The following MGMT variants were observed in gnomAD, a reference collection of about 807,000 sequenced individuals.
MGMT encodes methylated-DNA--protein-cysteine methyltransferase.
Under a neutral mutation model 15.9 loss-of-function variants are expected in MGMT, and 14 were observed. That is an observed-to-expected ratio of 0.88 (90% CI 0.58 to 1.37). The LOEUF (loss-of-function observed/expected upper bound fraction) is 1.37, where lower values mean the gene tolerates loss of function less well. Among genes scored for constraint, MGMT ranks in the 40% most tolerant of loss-of-function variants. The pLI, the probability that MGMT is intolerant of heterozygous loss-of-function variation, is 0.00. For synonymous variants in MGMT, 130 were observed against 118.2 expected, an observed-to-expected ratio of 1.10 and a Z score of -0.65; for missense variants, 282 against 268.1, an observed-to-expected ratio of 1.05 and a Z score of -0.36.
chr10:129,495,696 G>T (rs982915361), intron 1 of MGMT, among the ~76,000 whole-genome samples: 11 of 152,166 alleles, frequency 7.2e-5, no homozygotes, highest in Admixed American at 3.9e-4. Flanking sequence ...ATGCCTTCCT[G>T]TCAAACGTGT....
chr10:129,628,952 C>T (rs145177893), intron 2 of MGMT, among the ~76,000 whole-genome samples: 100 of 152,332 alleles, frequency 6.6e-4, no homozygotes, highest in African/African-American at 2.3e-3. Context: ...ACAGCAAGAG[C>T]TCTCTTCCCG....
At chr10:129,726,514 G>A (rs998497913) in intron 3 of MGMT, among the ~76,000 whole-genome samples, 4 of 152,210 alleles carry the variant, frequency 2.6e-5, no homozygotes, top group African/African-American at 9.7e-5. Context: ...TGTTTTGTCT[G>A]ATTCTTCACC....
intron 2 of MGMT, among the ~76,000 whole-genome samples, chr10:129,702,376 C>T (rs112417104): frequency 0.022 from 3,322 of 152,314 alleles, 56 homozygotes; most frequent in Middle Eastern, 0.082. Context: ...TCCTCTCGTG[C>T]CAAGTCAAAG....
chr10:129,502,302 G>T (rs960644700), intron 1 of MGMT, among the ~76,000 whole-genome samples: 1 of 152,162 alleles, frequency 6.6e-6, no homozygotes, highest in Non-Finnish European at 1.5e-5. Flanking sequence ...CACACCATTT[G>T]ATCTTCCTTA....
Position 129,532,576 on chromosome 10 carries a change from C to G in MGMT, c.-12-3665C>G, listed in dbSNP as rs1316048413. ...TACTTCAGCTTGCTGGGATTCACCCCCAGTGGCCTTCCAAGGCTCCTACCT... is the reference window on the plus strand; with the variant it reads ...TACTTCAGCTTGCTGGGATTCACCCGCAGTGGCCTTCCAAGGCTCCTACCT... On this transcript the variant is annotated intron_variant, in intron 1 of 4. Transcript: ENST00000651593. The surrounding 1 kb of genome is among the most constrained non-coding windows in gnomAD (Gnocchi z 5.3). Among the ~76,000 whole-genome samples, 2 of 152,116 alleles carry G rather than the reference C, an allele frequency of 1.3e-5. No homozygotes were observed. Among genetic ancestry groups the G allele is most frequent in the Non-Finnish European group, 2.9e-5 (2 of 68,026 alleles).
intron 1 of MGMT, among the ~76,000 whole-genome samples, chr10:129,514,848 C>T (rs1417868032): frequency 2.6e-5 from 4 of 152,356 alleles, no homozygotes; most frequent in East Asian, 1.9e-4. Context: ...TTATGAGCCA[C>T]GCAGTCTATA....
Position 129,759,333 on chromosome 10 carries a change from G to T in MGMT, c.406G>T (p.Gly136Cys). 1.2e-6 allele frequency: 2 copies of T among 1,614,204 alleles called. No homozygotes were observed. The highest frequency in any genetic ancestry group is 1.7e-6 in the Non-Finnish European group (2 of 1,180,036). ...GCGAGCAGTGGGAGGAGCAATGAGA[G>T]GCAATCCTGTGAGTTCTCATGGCGC... ...AARAVGGAMR[G>C]NPVPILIPCH... Residue 136 changes from glycine (G) to cysteine (C), a missense_variant, in exon 4 of 5, where the codon GGC (glycine) becomes TGC (cysteine). Coordinates refer to ENST00000651593, the MANE Select transcript of MGMT (RefSeq NM_002412.5).
chr10:129,602,522 A>G (rs781621079), intron 2 of MGMT, among the ~76,000 whole-genome samples: 1 of 152,196 alleles, frequency 6.6e-6, no homozygotes, highest in Non-Finnish European at 1.5e-5. Flanking sequence ...GAACTTACAA[A>G]TCTGTGTCAC....
chr10:129,678,747 G>GTCCA (rs901585687), intron 2 of MGMT, among the ~76,000 whole-genome samples: 1 of 152,054 alleles, frequency 6.6e-6, no homozygotes, highest in African/African-American at 2.4e-5. Flanking sequence ...TGTAGACTTG[G>GTCCA]TCCAGTGCAT....
intron 1 of MGMT, among the ~76,000 whole-genome samples, chr10:129,499,759 GA>G (rs1845556819): frequency 6.6e-6 from 1 of 152,196 alleles, no homozygotes; most frequent in Non-Finnish European, 1.5e-5. Context: ...TGAAGTGTTG[GA>G]GACTTTAATG....
At chr10:129,636,759 T>C (rs1287309976) in intron 2 of MGMT, among the ~76,000 whole-genome samples, 2 of 152,242 alleles carry the variant, frequency 1.3e-5, no homozygotes, top group Non-Finnish European at 2.9e-5. Flanking sequence ...TTTGCATTTA[T>C]GAGAAAATGT....
intron 1 of MGMT, among the ~76,000 whole-genome samples, chr10:129,489,424 C>T (rs1845445568): frequency 6.8e-6 from 1 of 147,496 alleles, no homozygotes; most frequent in Non-Finnish European, 1.5e-5. Flanking sequence ...TTTCCATTTT[C>T]CTCTTCAGGA....
At chr10:129,592,835 A>G (rs886564503) in intron 2 of MGMT, among the ~76,000 whole-genome samples, 3 of 152,158 alleles carry the variant, frequency 2.0e-5, no homozygotes, top group Admixed American at 6.5e-5. Flanking sequence ...ATTTTTCATG[A>G]AAATGTTATA....
intron 2 of MGMT, among the ~76,000 whole-genome samples, chr10:129,646,884 G>A (rs909550295): frequency 2.6e-4 from 39 of 151,246 alleles, no homozygotes; most frequent in Non-Finnish European, 4.7e-4. Flanking sequence ...AAGGACAGGC[G>A]TGGCAGGCTG....
At chr10:129,496,331 G>T (rs890920565) in intron 1 of MGMT, among the ~76,000 whole-genome samples, 11 of 152,000 alleles carry the variant, frequency 7.2e-5, no homozygotes, top group Non-Finnish European at 1.5e-4. Context: ...TTTTCCATAG[G>T]CTCCAATAAC....
At chr10:129,570,637 C>T (rs1220920726) in intron 2 of MGMT, among the ~76,000 whole-genome samples, 1 of 152,208 alleles carries the variant, frequency 6.6e-6, no homozygotes, top group African/African-American at 2.4e-5. Context: ...ATATTACCTA[C>T]TAAATCTAAT....
chr10:129,482,929 C>T (rs1845373519), intron 1 of MGMT, among the ~76,000 whole-genome samples: 1 of 152,184 alleles, frequency 6.6e-6, no homozygotes. Context: ...AGTATACCAT[C>T]TGGCTGTTCA....
At chr10:129,471,020 A>T (rs1172338735) in intron 1 of MGMT, among the ~76,000 whole-genome samples, 2 of 152,202 alleles carry the variant, frequency 1.3e-5, no homozygotes, top group Non-Finnish European at 2.9e-5. Context: ...TTGCGAAGTC[A>T]GCAGAGGCTC....
chr10:129,529,197 G>A (rs1401408575), intron 1 of MGMT, among the ~76,000 whole-genome samples: 1 of 151,662 alleles, frequency 6.6e-6, no homozygotes, highest in African/African-American at 2.4e-5. Flanking sequence ...GCGTGGGTGC[G>A]ATGGGGTCAT....
Sources: gnomAD v4.1 joint callset for allele counts (sites outside exome capture counted in the v4.1 genomes callset) on GRCh38, gnomAD v4.1.1 for gene constraint, Gnocchi (gnomAD v3.1) non-coding constraint, MANE v1.5 for transcripts, NCBI Gene and HGNC (gene_info 2026-07-23, HGNC 2026-07-21) for gene names.